Variants in DAB1 observed in about 807,000 individuals in gnomAD.
The protein encoded by DAB1 is disabled homolog 1.
Under a neutral mutation model 64.6 loss-of-function variants are expected in DAB1, and 15 were observed. The ratio of observed to expected loss-of-function variants is 0.23; its 90% CI spans 0.16 to 0.36. DAB1 has a LOEUF of 0.36. Ranked by LOEUF, DAB1 falls within the 10% of genes least tolerant of loss-of-function variation. The pLI is 1.00. For synonymous variants in DAB1, 235 were observed against 251.9 expected, an observed-to-expected ratio of 0.93 and a Z score of 0.64; for missense variants, 596 against 706.7, an observed-to-expected ratio of 0.84 and a Z score of 1.78.
intron 1 of DAB1, among the ~76,000 whole-genome samples, chr1:57,319,167 G>T (rs952180499): frequency 1.3e-5 from 2 of 152,098 alleles, no homozygotes; most frequent in African/African-American, 4.8e-5. Flanking sequence ...TTACTAAACC[G>T]GTTACTATTG....
chr1:58,286,541 A>G (rs1448369818), intron 4 of DAB1, among the ~76,000 whole-genome samples: 1 of 152,252 alleles, frequency 6.6e-6, no homozygotes, highest in African/African-American at 2.4e-5. Flanking sequence ...GAAGACATTT[A>G]TGCAGCCAAC....
intron 5 of DAB1, among the ~76,000 whole-genome samples, chr1:58,011,274 G>C (rs1415036896): frequency 6.6e-6 from 1 of 152,218 alleles, no homozygotes; most frequent in Non-Finnish European, 1.5e-5. Context: ...AAGTATTCTT[G>C]TATTGGCCTG....
intron 14 of DAB1, among the ~76,000 whole-genome samples, chr1:57,000,040 C>CTTTTTTT (rs397863684): frequency 8.9e-6 from 1 of 112,444 alleles, no homozygotes; most frequent in African/African-American, 3.3e-5. Flanking sequence ...TTCCTTCTGC[C>CTTTTTTT]TTTTTTTTTT....
chr1:57,176,970 T>TAA (rs146465598), intron 2 of DAB1, among the ~76,000 whole-genome samples: 7 of 61,044 alleles, frequency 1.1e-4, no homozygotes, highest in Non-Finnish European at 3.2e-4. Flanking sequence ...CAGCAGCAGA[T>TAA]ATAAAAAAAA....
intron 7 of DAB1, among the ~76,000 whole-genome samples, chr1:57,635,891 C>T (rs767486969): frequency 6.6e-6 from 1 of 151,684 alleles, no homozygotes; most frequent in African/African-American, 2.4e-5. Context: ...GTCAGGAGAT[C>T]GAGACCATCC....
intron 6 of DAB1, among the ~76,000 whole-genome samples, chr1:57,695,364 G>A (rs1477150885): frequency 6.5e-4 from 26 of 40,174 alleles, no homozygotes; most frequent in African/African-American, 4.2e-3. Context: ...AAAGAAAGAA[G>A]AAAGAAAGAA....
chr1:58,265,366 G>A (rs1661136262), intron 4 of DAB1, among the ~76,000 whole-genome samples: 1 of 152,194 alleles, frequency 6.6e-6, no homozygotes, highest in Admixed American at 6.5e-5. Flanking sequence ...GTCTCTTAGT[G>A]TAACTCTTTC....
intron 4 of DAB1, among the ~76,000 whole-genome samples, chr1:58,334,119 T>C (rs1267055986): frequency 6.6e-6 from 1 of 152,192 alleles, no homozygotes; most frequent in Non-Finnish European, 1.5e-5. Context: ...AGCTTGGCCA[T>C]GTGACATATC....
At chr1:57,229,945 C>T (rs1667547110) in intron 2 of DAB1, among the ~76,000 whole-genome samples, 1 of 152,194 alleles carries the variant, frequency 6.6e-6, no homozygotes. Context: ...ATGCAAGATA[C>T]TGGCTACTGT....
intron 2 of DAB1, among the ~76,000 whole-genome samples, chr1:57,164,192 A>T (rs1057249515): frequency 6.6e-6 from 1 of 152,094 alleles, no homozygotes; most frequent in Non-Finnish European, 1.5e-5. Context: ...TTTCAGTTTA[A>T]ATTTAGTGCC....
intron 4 of DAB1, among the ~76,000 whole-genome samples, chr1:58,207,393 T>C (rs561040325): frequency 2.0e-5 from 3 of 152,216 alleles, no homozygotes; most frequent in Non-Finnish European, 4.4e-5. Flanking sequence ...AGGTGATGCA[T>C]GCCCATTAAT....
chr1:58,072,595 C>G (rs553739974), intron 5 of DAB1, among the ~76,000 whole-genome samples: 1 of 151,104 alleles, frequency 6.6e-6, no homozygotes, highest in East Asian at 2.0e-4. Context: ...CTGTCTGATT[C>G]CGAAGAACAA....
chr1:58,444,574 G>A (rs1645045313), intron 3 of DAB1, among the ~76,000 whole-genome samples: 1 of 152,176 alleles, frequency 6.6e-6, no homozygotes, highest in Non-Finnish European at 1.5e-5. Flanking sequence ...ATATGGGAGA[G>A]GCACCATCAG....
intron 1 of DAB1, among the ~76,000 whole-genome samples, chr1:57,367,363 G>T (rs544522102): frequency 6.6e-6 from 1 of 152,102 alleles, no homozygotes; most frequent in Admixed American, 6.5e-5. Context: ...TCAGAGCTAG[G>T]TGCCTTTTTT....
At chr1:57,015,507 G>T in intron 11 of DAB1, 76 bp from the exon 12 acceptor site, 2 of 1,342,358 alleles carry the variant, frequency 1.5e-6, no homozygotes, top group Non-Finnish European at 2.0e-6. Flanking sequence ...TCAGGTAATT[G>T]ACAGAAATGT....
At chr1:58,503,150 T>C (rs968273775) in intron 3 of DAB1, among the ~76,000 whole-genome samples, 6 of 152,144 alleles carry the variant, frequency 3.9e-5, no homozygotes, top group Non-Finnish European at 7.4e-5. Context: ...ATTATCCAAT[T>C]AAACAAACCA....
intron 1 of DAB1, among the ~76,000 whole-genome samples, chr1:57,857,525 C>A (rs1330602988): frequency 6.6e-6 from 1 of 152,084 alleles, no homozygotes; most frequent in East Asian, 1.9e-4. Flanking sequence ...TCATTTTATC[C>A]TTGTAACAAC....
At chr1:58,379,280 T>C (rs1487404206) in intron 3 of DAB1, among the ~76,000 whole-genome samples, 1 of 152,240 alleles carries the variant, frequency 6.6e-6, no homozygotes, top group Non-Finnish European at 1.5e-5. Flanking sequence ...ACATGGAATG[T>C]AATAAACACT....
intron 6 of DAB1, among the ~76,000 whole-genome samples, chr1:57,802,865 T>C (rs1407855057): frequency 6.6e-6 from 1 of 152,206 alleles, no homozygotes; most frequent in East Asian, 1.9e-4. Context: ...ATTTTTTAAA[T>C]AGCAGTGTGA....
Sources: gnomAD v4.1 joint callset for allele counts (sites outside exome capture counted in the v4.1 genomes callset) on GRCh38, gnomAD v4.1.1 for gene constraint, MANE v1.5 for transcripts, NCBI Gene and HGNC (gene_info 2026-07-23, HGNC 2026-07-21) for gene names.